Variants in NRBP2 observed in about 807,000 individuals in gnomAD.
The protein encoded by NRBP2 is nuclear receptor-binding protein 2.
A neutral mutation model predicts 74.4 loss-of-function variants in NRBP2; 47 were observed. That is an observed-to-expected ratio of 0.63 (90% CI 0.50 to 0.81). The LOEUF (loss-of-function observed/expected upper bound fraction) is 0.81, where lower values mean the gene tolerates loss of function less well. Among genes scored for constraint, NRBP2 ranks in the 30% least tolerant of loss-of-function variants. The probability of loss-of-function intolerance (pLI) is 0.00; values close to 1 mark genes in which losing one functional copy is unlikely to be tolerated. For missense variants in NRBP2, 613 were observed against 690.1 expected (o/e 0.89, Z 1.25); for synonymous variants, 312 against 273.8 (o/e 1.14, Z -1.38).
chr8:143,839,914 C>T lies in NRBP2; in HGVS notation c.354+15G>A. 1.3e-6 allele frequency: 2 copies of T among 1,535,892 alleles called. No individual in the cohort carries two copies. Among genetic ancestry groups the T allele is most frequent in the Non-Finnish European group, 1.7e-6 (2 of 1,146,648 alleles). The stretch of plus-strand genomic sequence containing the variant: ...GCTGTGGTCTCTGCCTGCCCGGGGC[C>T]TTGCCCGTGCTCACCCTCGCGCAGG... On this transcript the variant is annotated intron_variant, in intron 3 of 17. Coordinates refer to ENST00000442628, the MANE Select transcript of NRBP2 (RefSeq NM_178564.4). The surrounding 1 kb of genome is among the most constrained non-coding windows in gnomAD (Gnocchi z 5.1).
chr8:143,833,073 G>T (rs1791624276), downstream of NRBP2, among the ~76,000 whole-genome samples: 1 of 152,180 alleles, frequency 6.6e-6, no homozygotes, highest in Non-Finnish European at 1.5e-5. Context: ...GGACACTGGT[G>T]AAGAGTTAAC....
Position 143,840,630 on chromosome 8 carries a change from C to A in NRBP2, c.129+76G>T, listed in dbSNP as rs910938727. ...AGCCGCCGCGCTCTCCCAGCGCCCC[C>A]ACGCCCCGCGCAGCCTCCAGGCCCC... is the stretch of plus-strand genomic sequence containing the variant. On this transcript the variant is annotated intron_variant, in intron 1 of 17. Coordinates refer to ENST00000442628, the MANE Select transcript of NRBP2 (RefSeq NM_178564.4). The surrounding 1 kb of genome is among the most constrained non-coding windows in gnomAD (Gnocchi z 5.7). The A allele has an allele frequency of 3.8e-6, 5 of 1,311,930 alleles. No homozygotes were observed. The highest frequency in any genetic ancestry group is 2.9e-5 in the East Asian group (1 of 34,530). 81.3% of individuals were successfully genotyped at this position (1,311,930 alleles called of 1,614,324 possible). A position where few individuals can be genotyped will look rare whatever the true frequency, so the allele number is the denominator to read the frequency against.
downstream of NRBP2, among the ~76,000 whole-genome samples, chr8:143,830,794 A>G (rs543160154): frequency 1.0e-3 from 157 of 152,388 alleles, no homozygotes; most frequent in Non-Finnish European, 1.9e-3. Flanking sequence ...CCGAAGAAAA[A>G]TGAAAACTAA....
Position 143,840,504 on chromosome 8 carries a change from G to A in NRBP2, c.129+202C>T, listed in dbSNP as rs1818646425. 3.0e-6 allele frequency: 2 copies of A among 663,868 alleles called. No homozygotes were observed. The highest frequency in any genetic ancestry group is 2.5e-6 in the Non-Finnish European group (1 of 401,302). 41.1% of individuals were successfully genotyped at this position (663,868 alleles called of 1,614,324 possible). A position where few individuals can be genotyped will look rare whatever the true frequency, so the allele number is the denominator to read the frequency against. On this transcript the variant is annotated intron_variant, in intron 1 of 17. Transcript: ENST00000442628. This position sits in a 1 kb window ranked among gnomAD's most constrained non-coding sequence, Gnocchi z 5.7. ...TCCAGAGGCATGGGGAGGTGGTCCT[G>A]GGAGGAGACTGGCCCTCAGGGAGTC...
chr8:143,839,350 A>C lies in NRBP2; in HGVS notation c.544T>G (p.Phe182Val). Residue 182 changes from phenylalanine to valine, a missense_variant, in exon 6 of 18, where the codon TTC becomes GTC. This residue lies in a region of NRBP2 where 332 missense variants were observed against 429.2 expected (regional missense o/e 0.77). Coordinates refer to ENST00000442628, the MANE Select transcript of NRBP2 (RefSeq NM_178564.4). This position sits in a 1 kb window ranked among gnomAD's most constrained non-coding sequence, Gnocchi z 5.1. ...TTGATGAGGCCGTTGTGCTGAATGA[A>C]GATGGTGTCGCTGGTCAGGTTCCCG... ...IHGNLTSDTI[F>V]IQHNGLIKIG... 1 of 1,590,618 alleles carries C rather than the reference A, an allele frequency of 6.3e-7. No individual in the cohort carries two copies. The highest frequency in any genetic ancestry group is 8.5e-7 in the Non-Finnish European group (1 of 1,175,586).
rs1818607901 is a variant in NRBP2, at chr8:143,839,675, G to A, written c.444+61C>T. On this transcript the variant is annotated intron_variant, in intron 4 of 17. Coordinates refer to ENST00000442628, the MANE Select transcript of NRBP2 (RefSeq NM_178564.4). The surrounding 1 kb of genome is among the most constrained non-coding windows in gnomAD (Gnocchi z 5.1). ...CGCCGGGCACCCCCTCACCATCCCA[G>A]TCCCCGAGGCTGCCCCAACCCCGTC... 6.5e-7 allele frequency: 1 copy of A among 1,529,228 alleles called. No homozygotes were observed. The highest frequency in any genetic ancestry group is 8.8e-7 in the Non-Finnish European group (1 of 1,142,816). 94.7% of individuals were successfully genotyped at this position (1,529,228 alleles called of 1,614,324 possible). A position where few individuals can be genotyped will look rare whatever the true frequency, so the allele number is the denominator to read the frequency against.
Position 143,839,473 on chromosome 8 carries a change from C to A in NRBP2, c.485+36G>T. The A allele has an allele frequency of 6.5e-7, 1 of 1,531,546 alleles. No homozygotes were observed. The highest frequency in any genetic ancestry group is 8.7e-7 in the Non-Finnish European group (1 of 1,144,304). The allele number at this position is 1,531,546 out of a possible 1,614,324, so 94.9% of individuals were successfully genotyped here. A position where few individuals can be genotyped will look rare whatever the true frequency, so the allele number is the denominator to read the frequency against. Reference sequence around the variant, plus strand: ...AGGAGGCTCTGGAGAGATGGGGGCTCGGTGGCGCCGCGCCCAGGCCAGCCC... The same window carrying A: ...AGGAGGCTCTGGAGAGATGGGGGCTAGGTGGCGCCGCGCCCAGGCCAGCCC... On this transcript the variant is annotated intron_variant, in intron 5 of 17. Transcript: ENST00000442628. The surrounding 1 kb of genome is among the most constrained non-coding windows in gnomAD (Gnocchi z 5.1).
chr8:143,830,771 A>G (rs1554650039), downstream of NRBP2, among the ~76,000 whole-genome samples: 1 of 152,240 alleles, frequency 6.6e-6, no homozygotes, highest in Non-Finnish European at 1.5e-5. Context: ...AGAAACAGAG[A>G]CGATAAAGGA....
chr8:143,833,604 A>G lies in NRBP2; in HGVS notation c.*2058T>C, dbSNP rs1818239916. On this transcript the variant is annotated 3_prime_UTR_variant, in exon 18 of 18. Transcript: ENST00000442628. ...TGAATTTGGAGAGGATCAGAGTAGG[A>G]GCCTGCATTTATTATTTATTATTGG... 6.6e-6 allele frequency: 1 copy of G among 152,212 alleles called. No homozygotes were observed. Among genetic ancestry groups the G allele is most frequent in the African/African-American group, 2.4e-5 (1 of 41,448 alleles). The allele number at this position is 152,212 out of a possible 1,614,324, so 9.4% of individuals were successfully genotyped here. A position where few individuals can be genotyped will look rare whatever the true frequency, so the allele number is the denominator to read the frequency against.
rs1586663176 is a variant in NRBP2 at position 143,839,701 on chromosome 8, C to T, written c.444+35G>A. The T allele has an allele frequency of 6.5e-7, 1 of 1,533,616 alleles. No homozygotes were observed. The highest frequency in any genetic ancestry group is 2.4e-5 in the East Asian group (1 of 40,892). On this transcript the variant is annotated intron_variant, in intron 4 of 17. Coordinates refer to ENST00000442628, the MANE Select transcript of NRBP2 (RefSeq NM_178564.4). This position sits in a 1 kb window ranked among gnomAD's most constrained non-coding sequence, Gnocchi z 5.1. ...TCCCCGAGGCTGCCCCAACCCCGTC[C>T]TGTCCCCGTGGCTGCCCCAGCCCGC...
chr8:143,837,475 G>A lies in NRBP2; in HGVS notation c.1008C>T (p.Thr336=). Residue 336 remains threonine (T), a synonymous_variant, in exon 12 of 18, where the codon ACC becomes ACT. Coordinates refer to ENST00000442628, the MANE Select transcript of NRBP2 (RefSeq NM_178564.4). This position sits in a 1 kb window ranked among gnomAD's most constrained non-coding sequence, Gnocchi z 4.3. The part of the protein sequence containing the change: ...LMPENVVEEK[T]KAMDLHAVLA... ...AGACCGCGTGCAGGTCCATGGCCTTGGTCTTCTCCTCCACCACATTCTCAG... is the reference window on the plus strand; with the variant it reads ...AGACCGCGTGCAGGTCCATGGCCTTAGTCTTCTCCTCCACCACATTCTCAG... 2 of 1,611,156 alleles carry A rather than the reference G, an allele frequency of 1.2e-6. No individual in the cohort carries two copies. The highest frequency in any genetic ancestry group is 1.7e-6 in the Non-Finnish European group (2 of 1,179,192).
chr8:143,837,490 C>T lies in NRBP2; in HGVS notation c.993G>A (p.Val331=), dbSNP rs1554652222. ...CCATGGCCTTGGTCTTCTCCTCCAC[C>T]ACATTCTCAGGCATGAGGTCTGCGG... The part of the protein sequence containing the change: ...IQHQYLMPEN[V]VEEKTKAMDL... The change falls in exon 12 of 18, where the codon GTG becomes GTA. Residue 331 remains valine (V), a synonymous_variant. Coordinates refer to ENST00000442628, the MANE Select transcript of NRBP2 (RefSeq NM_178564.4). This position sits in a 1 kb window ranked among gnomAD's most constrained non-coding sequence, Gnocchi z 4.3. 1 of 1,610,916 alleles carries T rather than the reference C, an allele frequency of 6.2e-7. No homozygotes were observed. Among genetic ancestry groups the T allele is most frequent in the African/African-American group, 1.3e-5 (1 of 74,894 alleles).
In NRBP2 at chr8:143,835,547, G is replaced by T; in HGVS notation, c.*115C>A. ...GAGACGGGGGGTTCCTTCACTACCGGGGCCTTTGTGCTCCCAGGCGCATGG... is the reference window on the plus strand; with the variant it reads ...GAGACGGGGGGTTCCTTCACTACCGTGGCCTTTGTGCTCCCAGGCGCATGG... On this transcript the variant is annotated 3_prime_UTR_variant, in exon 18 of 18. Coordinates refer to ENST00000442628, the MANE Select transcript of NRBP2 (RefSeq NM_178564.4). This position sits in a 1 kb window ranked among gnomAD's most constrained non-coding sequence, Gnocchi z 4.9. 1.1e-6 allele frequency: 1 copy of T among 870,260 alleles called. No individual in the cohort carries two copies. The highest frequency in any genetic ancestry group is 1.8e-6 in the Non-Finnish European group (1 of 565,340). The allele number at this position is 870,260 out of a possible 1,614,324, so 53.9% of individuals were successfully genotyped here.
Position 143,837,352 on chromosome 8 carries a change from AGGTGC to A in NRBP2, c.1076+50_1076+54del. The A allele has an allele frequency of 3.9e-6, 1 of 256,948 alleles. No homozygotes were observed. The highest frequency in any genetic ancestry group is 5.2e-6 in the Non-Finnish European group (1 of 192,644). 15.9% of individuals were successfully genotyped at this position (256,948 alleles called of 1,614,324 possible). ...GGGCTGGCCGGGGCGAGGGGAGGGG[AGGTGC>A]GGGGAGGGGAGGTGTGGGGAGGGGA... On this transcript the variant is annotated intron_variant, in intron 12 of 17. Transcript: ENST00000442628. The surrounding 1 kb of genome is among the most constrained non-coding windows in gnomAD (Gnocchi z 4.3).
At chr8:143,836,888 CCCA>C (rs1181700606) in intron 14 of NRBP2, 148 bp downstream of exon 14, 11 of 878,436 alleles carry the variant, frequency 1.3e-5, no homozygotes, top group Non-Finnish European at 1.9e-5. Flanking sequence ...CCCCATGACC[CCCA>C]CAAGGGGGTC....
chr8:143,840,298 G>C lies in NRBP2; in HGVS notation c.130-69C>G. Reference sequence around the variant, plus strand: ...GGTTGTGGGTGAGGATTTGGTCCCTGTCCACACCTTTCCAGTGGGCCCAAG... The same window carrying C: ...GGTTGTGGGTGAGGATTTGGTCCCTCTCCACACCTTTCCAGTGGGCCCAAG... On this transcript the variant is annotated intron_variant, in intron 1 of 17. Coordinates refer to ENST00000442628, the MANE Select transcript of NRBP2 (RefSeq NM_178564.4). This position sits in a 1 kb window ranked among gnomAD's most constrained non-coding sequence, Gnocchi z 5.7. 1 of 1,518,920 alleles carries C rather than the reference G, an allele frequency of 6.6e-7. No homozygotes were observed. The highest frequency in any genetic ancestry group is 8.8e-7 in the Non-Finnish European group (1 of 1,135,658). 94.1% of individuals were successfully genotyped at this position (1,518,920 alleles called of 1,614,324 possible).
downstream of NRBP2, among the ~76,000 whole-genome samples, chr8:143,830,653 G>A (rs1483371198): frequency 6.6e-6 from 1 of 152,210 alleles, no homozygotes; most frequent in Admixed American, 6.5e-5. Flanking sequence ...CCCTGGCCTC[G>A]AAGCTCACCA....
chr8:143,836,250 G>A (rs1818379280), intron 14 of NRBP2, 70 bp from the exon 15 acceptor site: 8 of 1,451,116 alleles, frequency 5.5e-6, no homozygotes, highest in African/African-American at 1.5e-5. Context: ...CAAAGGGGCC[G>A]GGAAGGGACA....
intron 14 of NRBP2, 36 bp from the exon 15 acceptor site, chr8:143,836,216 C>T (rs781921545): frequency 6.7e-7 from 1 of 1,502,888 alleles, no homozygotes; most frequent in Non-Finnish European, 8.8e-7. Context: ...ACAAACCCAG[C>T]AGCAAGACCA....
Sources: allele counts gnomAD v4.1 joint callset (sites outside exome capture counted in the v4.1 genomes callset), GRCh38; gene constraint gnomAD v4.1.1; regional missense constraint gnomAD v4.1.1; non-coding constraint Gnocchi (gnomAD v3.1); transcripts MANE v1.5; gene names NCBI Gene and HGNC (gene_info 2026-07-23, HGNC 2026-07-21).